PLCB1: variants seen among roughly 807,000 people sequenced by gnomAD.
PLCB1 encodes the protein 1-phosphatidylinositol 4,5-bisphosphate phosphodiesterase beta-1.
Under a neutral mutation model 161.8 loss-of-function variants are expected in PLCB1, and 46 were observed. The ratio of observed to expected loss-of-function variants is 0.28; its 90% CI spans 0.22 to 0.36. The LOEUF is 0.36. Ranked by LOEUF, PLCB1 falls within the 10% of genes least tolerant of loss-of-function variation. The pLI is 1.00. For synonymous variants in PLCB1, 517 were observed against 503.7 expected, an observed-to-expected ratio of 1.03 and a Z score of -0.35; for missense variants, 1,016 against 1,472.5, an observed-to-expected ratio of 0.69 and a Z score of 5.07.
chr20:8,612,725 C>T (rs1254779720), intron 3 of PLCB1, among the ~76,000 whole-genome samples: 2 of 152,184 alleles, frequency 1.3e-5, no homozygotes, highest in Non-Finnish European at 2.9e-5. Flanking sequence ...CCTAGCAGAG[C>T]TTCATTACAC....
At chr20:8,762,673 T>C (rs1982104819) in intron 25 of PLCB1, among the ~76,000 whole-genome samples, 1 of 152,224 alleles carries the variant, frequency 6.6e-6, no homozygotes, top group East Asian at 1.9e-4. Context: ...AATTTGGGCC[T>C]GAAGGAAACC....
At chr20:8,347,927 G>A (rs568466082) in intron 2 of PLCB1, among the ~76,000 whole-genome samples, 43 of 151,864 alleles carry the variant, frequency 2.8e-4, no homozygotes, top group African/African-American at 8.5e-4. Flanking sequence ...AGCCGAGATC[G>A]TGCCACTGCA....
At chr20:8,847,536 C>G (rs1986731775) in intron 31 of PLCB1, among the ~76,000 whole-genome samples, 1 of 152,154 alleles carries the variant, frequency 6.6e-6, no homozygotes, top group Non-Finnish European at 1.5e-5. Flanking sequence ...TGACACCAAT[C>G]TCTTCTCCAA....
chr20:8,630,335 A>T (rs1988547973), intron 4 of PLCB1, among the ~76,000 whole-genome samples: 2 of 152,206 alleles, frequency 1.3e-5, no homozygotes, highest in South Asian at 4.1e-4. Flanking sequence ...GTCATTAGTG[A>T]TTATTGGCAG....
At chr20:8,403,225 C>A (rs922646851) in intron 3 of PLCB1, among the ~76,000 whole-genome samples, 1 of 152,086 alleles carries the variant, frequency 6.6e-6, no homozygotes, top group African/African-American at 2.4e-5. Flanking sequence ...CCCTCCTCAG[C>A]CCCACAAAGC....
At chr20:8,336,083 G>A (rs1985566188) in intron 2 of PLCB1, among the ~76,000 whole-genome samples, 1 of 152,166 alleles carries the variant, frequency 6.6e-6, no homozygotes, top group African/African-American at 2.4e-5. Context: ...GATGCGGGAA[G>A]CTATTTTTAG....
At chr20:8,464,258 G>GTCTT (rs1222025318) in intron 3 of PLCB1, among the ~76,000 whole-genome samples, 1 of 152,094 alleles carries the variant, frequency 6.6e-6, no homozygotes, top group Non-Finnish European at 1.5e-5. Flanking sequence ...AAGTCTCCAG[G>GTCTT]TATATGTCTT....
intron 3 of PLCB1, among the ~76,000 whole-genome samples, chr20:8,564,364 T>C (rs1255003801): frequency 1.3e-5 from 2 of 151,856 alleles, no homozygotes; most frequent in Admixed American, 6.6e-5. Context: ...AAATGTAAGC[T>C]CTAAAACCAT....
chr20:8,145,412 T>G (rs995924286), intron 1 of PLCB1, among the ~76,000 whole-genome samples: 3 of 152,196 alleles, frequency 2.0e-5, no homozygotes, highest in African/African-American at 7.2e-5. Flanking sequence ...GATTAGGACT[T>G]CAACATGTGA....
chr20:8,571,498 TA>T (rs1375370285), intron 3 of PLCB1, among the ~76,000 whole-genome samples: 1 of 151,884 alleles, frequency 6.6e-6, no homozygotes, highest in Non-Finnish European at 1.5e-5. Context: ...AAATAATAAA[TA>T]AAAAATAAAG....
chr20:8,591,943 G>A (rs984926272), intron 3 of PLCB1, among the ~76,000 whole-genome samples: 12 of 152,050 alleles, frequency 7.9e-5, no homozygotes, highest in Admixed American at 3.3e-4. Context: ...ATGTTTTCAG[G>A]TTTTGGAATA....
At chr20:8,667,986 G>T (rs749596215) in intron 9 of PLCB1, among the ~76,000 whole-genome samples, 1 of 152,102 alleles carries the variant, frequency 6.6e-6, no homozygotes, top group Non-Finnish European at 1.5e-5. Flanking sequence ...TGGGGTGGAG[G>T]GGACTCTGGC....
intron 3 of PLCB1, among the ~76,000 whole-genome samples, chr20:8,549,871 G>A (rs978472450): frequency 6.6e-6 from 1 of 152,152 alleles, no homozygotes; most frequent in African/African-American, 2.4e-5. Context: ...CACACCCGCG[G>A]AGATCTGATG....
chr20:8,453,324 A>T (rs900206000), intron 3 of PLCB1, among the ~76,000 whole-genome samples: 2 of 152,252 alleles, frequency 1.3e-5, no homozygotes, highest in African/African-American at 4.8e-5. Flanking sequence ...ATGATAACAG[A>T]TGGACCATGT....
chr20:8,211,072 G>A (rs1055058104), intron 2 of PLCB1, among the ~76,000 whole-genome samples: 11 of 152,112 alleles, frequency 7.2e-5, no homozygotes, highest in African/African-American at 2.4e-4. Flanking sequence ...CACTCTGAGC[G>A]TGTGTATGAT....
At chr20:8,715,082 A>G (rs1233522658) in intron 12 of PLCB1, among the ~76,000 whole-genome samples, 2 of 152,220 alleles carry the variant, frequency 1.3e-5, no homozygotes. Context: ...TTCTTAGTAC[A>G]GTCACAGTCC....
chr20:8,203,340 G>C (rs1446379612), intron 2 of PLCB1, among the ~76,000 whole-genome samples: 1 of 152,176 alleles, frequency 6.6e-6, no homozygotes, highest in Non-Finnish European at 1.5e-5. Flanking sequence ...TGTGTGACCA[G>C]ATGGAAAGTG....
At chr20:8,726,216 A>C (rs1311940075) in intron 16 of PLCB1, among the ~76,000 whole-genome samples, 1 of 152,164 alleles carries the variant, frequency 6.6e-6, no homozygotes, top group African/African-American at 2.4e-5. Flanking sequence ...AATACTGCTC[A>C]TAATTGTTGG....
chr20:8,847,334 G>A (rs1246763847), intron 31 of PLCB1, among the ~76,000 whole-genome samples: 1 of 152,072 alleles, frequency 6.6e-6, no homozygotes, highest in Non-Finnish European at 1.5e-5. Context: ...AGAATCTTCT[G>A]TATATAGAAT....
Sources: gnomAD v4.1 joint callset for allele counts (sites outside exome capture counted in the v4.1 genomes callset) on GRCh38, gnomAD v4.1.1 for gene constraint, MANE v1.5 for transcripts, NCBI Gene and HGNC (gene_info 2026-07-23, HGNC 2026-07-21) for gene names.